FILIP1: variants seen among roughly 807,000 people sequenced by gnomAD.
The protein encoded by FILIP1 is filamin-A-interacting protein 1.
Under a neutral mutation model 102.1 loss-of-function variants are expected in FILIP1, and 61 were observed. The observed-to-expected ratio is 0.60, with a 90% CI of 0.49 to 0.74. The LOEUF (loss-of-function observed/expected upper bound fraction) is 0.74. Ranked by LOEUF, FILIP1 falls within the 30% of genes least tolerant of loss-of-function variation. The pLI, the probability that FILIP1 is intolerant of heterozygous loss-of-function variation, is 0.00. For missense variants in FILIP1, 1,314 were observed against 1,441.2 expected (o/e 0.91, Z 1.43); for synonymous variants, 491 against 526.9 (o/e 0.93, Z 0.93).
At chr6:75,329,199 A>G (rs943778836) in intron 4 of FILIP1, among the ~76,000 whole-genome samples, 1 of 152,182 alleles carries the variant, frequency 6.6e-6, no homozygotes, top group African/African-American at 2.4e-5. Context: ...ACACTTGTCA[A>G]TCTGTGCTCC....
chr6:75,330,017 T>C (rs1774019472), intron 4 of FILIP1, among the ~76,000 whole-genome samples: 1 of 152,162 alleles, frequency 6.6e-6, no homozygotes, highest in African/African-American at 2.4e-5. Flanking sequence ...ATGGCCCTAA[T>C]ATACTGTGCA....
intron 2 of FILIP1, among the ~76,000 whole-genome samples, chr6:75,411,042 G>A (rs1289309352): frequency 6.6e-6 from 1 of 152,184 alleles, no homozygotes; most frequent in Non-Finnish European, 1.5e-5. Context: ...CACCAACAGT[G>A]TAAGAGCTTT....
At chr6:75,442,746 G>A (rs1163847996) in intron 1 of FILIP1, among the ~76,000 whole-genome samples, 1 of 151,878 alleles carries the variant, frequency 6.6e-6, no homozygotes, top group African/African-American at 2.4e-5. Flanking sequence ...AGACCGTGGG[G>A]AGAGGGAGAG....
At chr6:75,484,804 T>G (rs1431935213) in intron 1 of FILIP1, among the ~76,000 whole-genome samples, 1 of 152,198 alleles carries the variant, frequency 6.6e-6, no homozygotes, top group Non-Finnish European at 1.5e-5. Context: ...CAAGGCCCTG[T>G]GCCTGCTCAC....
At chr6:75,302,555 C>T (rs1415910640) in intron 6 of FILIP1, among the ~76,000 whole-genome samples, 6 of 152,164 alleles carry the variant, frequency 3.9e-5, no homozygotes, top group Admixed American at 3.9e-4. Context: ...GAGAAGGACA[C>T]ATCCGCCAAA....
chr6:75,471,288 C>G (rs1397112812), intron 1 of FILIP1, among the ~76,000 whole-genome samples: 1 of 151,234 alleles, frequency 6.6e-6, no homozygotes, highest in African/African-American at 2.4e-5. Context: ...GTATTTCAAC[C>G]TAAATAATAA....
At chr6:75,408,969 C>T (rs1776965772) in intron 2 of FILIP1, among the ~76,000 whole-genome samples, 1 of 152,168 alleles carries the variant, frequency 6.6e-6, no homozygotes, top group African/African-American at 2.4e-5. Context: ...TTTTACTCAT[C>T]ATCTAGATTG....
chr6:75,346,172 C>T (rs1226425611), intron 4 of FILIP1, among the ~76,000 whole-genome samples: 1 of 152,152 alleles, frequency 6.6e-6, no homozygotes, highest in Admixed American at 6.5e-5. Context: ...TATGACTTAA[C>T]TGGATTTTGT....
At chr6:75,404,370 T>C (rs981269590) in intron 2 of FILIP1, among the ~76,000 whole-genome samples, 1 of 152,208 alleles carries the variant, frequency 6.6e-6, no homozygotes. Flanking sequence ...GATCTCTTCC[T>C]GCTGGGCACC....
intron 1 of FILIP1, among the ~76,000 whole-genome samples, chr6:75,436,575 T>G (rs939075638): frequency 1.3e-5 from 2 of 152,098 alleles, no homozygotes; most frequent in Non-Finnish European, 2.9e-5. Context: ...AATCAATAAT[T>G]ATACGGTGGA....
Position 75,388,467 on chromosome 6 carries a change from T to A in FILIP1, c.277-25550A>T, listed in dbSNP as rs555655514. Among the ~76,000 whole-genome samples the A allele has an allele frequency of 4.6e-5, 7 of 152,318 alleles. No individual in the cohort carries two copies. The South Asian group carries it at 1.5e-3, about 32-fold the overall frequency. On this transcript the variant is annotated intron_variant, in intron 2 of 5. Transcript: ENST00000237172. ...ATAGCATTGAATCTATAAATTACTT[T>A]GGCAGTATGGCCATTTTCACAATAT...
chr6:75,345,569 C>G (rs551175968), intron 4 of FILIP1, among the ~76,000 whole-genome samples: 1 of 152,200 alleles, frequency 6.6e-6, no homozygotes, highest in Admixed American at 6.5e-5. Context: ...AGTGGAAAAC[C>G]ATTTGCATAA....
intron 1 of FILIP1, chr6:75,428,357 C>T (rs995393892): frequency 3.3e-5 from 5 of 152,996 alleles, no homozygotes; most frequent in African/African-American, 1.2e-4. Context: ...AAGCCTAGGG[C>T]AGTGGTGCTC....
At chr6:75,475,189 A>G (rs1033227183) in intron 1 of FILIP1, among the ~76,000 whole-genome samples, 52 of 152,372 alleles carry the variant, frequency 3.4e-4, no homozygotes, top group African/African-American at 4.8e-4. Context: ...AAATTTTTCA[A>G]TAAAGCATAT....
At position 75,308,600 on chromosome 6, in the gene FILIP1, T is replaced by C. The variant is rs1449002891; in HGVS notation, c.*91A>G. On this transcript the variant is annotated 3_prime_UTR_variant, in exon 6 of 6. Coordinates refer to ENST00000237172, the MANE Select transcript of FILIP1 (RefSeq NM_015687.5). Reference sequence around the variant, plus strand: ...TAAACACAATATTTAAAACTTAAATTAGTACATGTAAAGAACTGGCACAAA... The same window carrying C: ...TAAACACAATATTTAAAACTTAAATCAGTACATGTAAAGAACTGGCACAAA... 1.3e-6 allele frequency: 2 copies of C among 1,554,172 alleles called. No homozygotes were observed. Among genetic ancestry groups the C allele is most frequent in the Non-Finnish European group, 8.7e-7 (1 of 1,152,652 alleles).
Position 75,312,701 on chromosome 6 carries a change from T to C in FILIP1, c.3131A>G (p.Gln1044Arg). 6.2e-7 allele frequency: 1 copy of C among 1,614,242 alleles called. No homozygotes were observed. The highest frequency in any genetic ancestry group is 8.5e-7 in the Non-Finnish European group (1 of 1,180,046). ...TTTCCGTACTGGAGTTGGAACAGTC[T>C]GTTTTTCTGGGGTGACTTTGAGGAT... ...RTILKVTPEK[Q>R]TVPTPVRKYN... is the part of the protein sequence containing the mutation. The change falls in exon 5 of 6, where the codon CAG becomes CGG. Residue 1044 changes from glutamine (Q) to arginine (R), a missense_variant. Transcript: ENST00000237172.
At chr6:75,392,953 A>G (rs2149659839) in intron 2 of FILIP1, among the ~76,000 whole-genome samples, 1 of 152,308 alleles carries the variant, frequency 6.6e-6, no homozygotes, top group Non-Finnish European at 1.5e-5. Context: ...CTATGAATCC[A>G]ATTAAACTTC....
intron 1 of FILIP1, among the ~76,000 whole-genome samples, chr6:75,467,395 TAGAA>T (rs1779199194): frequency 6.6e-6 from 1 of 152,112 alleles, no homozygotes; most frequent in Non-Finnish European, 1.5e-5. Context: ...TTGTGTGAAT[TAGAA>T]AGAAAGGGTC....
chr6:75,416,315 G>A (rs1451623341), intron 1 of FILIP1, among the ~76,000 whole-genome samples: 6 of 151,950 alleles, frequency 3.9e-5, no homozygotes, highest in African/African-American at 7.2e-5. Flanking sequence ...AATTGAACTC[G>A]TAAGCAAATG....
Sources: allele counts gnomAD v4.1 joint callset (sites outside exome capture counted in the v4.1 genomes callset), GRCh38; gene constraint gnomAD v4.1.1; transcripts MANE v1.5; gene names NCBI Gene and HGNC (gene_info 2026-07-23, HGNC 2026-07-21).